DST: variants seen among roughly 807,000 people sequenced by gnomAD.
DST encodes dystonin.
Under a neutral mutation model 875.2 loss-of-function variants are expected in DST, and 253 were observed. The observed-to-expected ratio is 0.29, with a 90% confidence interval of 0.26 to 0.32. The LOEUF is 0.32. Among genes scored for constraint, DST ranks in the 10% least tolerant of loss-of-function variants. The pLI, the probability that DST is intolerant of heterozygous loss-of-function variation, is 1.00. For synonymous variants in DST, 3,124 were observed against 3,197.1 expected, an observed-to-expected ratio of 0.98 and a Z score of 0.77; for missense variants, 8,287 against 9,111.6, an observed-to-expected ratio of 0.91 and a Z score of 3.68.
chr6:56,639,640 C>A lies in DST; in HGVS notation c.2698-29G>T, dbSNP rs759141996. On this transcript the variant is annotated intron_variant, in intron 20 of 103. Coordinates refer to ENST00000680361, the MANE Select transcript of DST (RefSeq NM_001374736.1). ...TAGTAAGGAAAATCATCATAAGAAT[C>A]ATGTTTTTGCCAAATATAGATAAGG... 11 of 1,612,838 alleles carry A rather than the reference C, an allele frequency of 6.8e-6. No homozygotes were observed. In the Admixed American group the frequency reaches 1.8e-4, roughly 27 times the overall value.
intron 90 of DST, among the ~76,000 whole-genome samples, chr6:56,480,591 G>A (rs1028245964): frequency 6.6e-6 from 1 of 152,182 alleles, no homozygotes; most frequent in South Asian, 2.1e-4. Context: ...ATGGTGAATG[G>A]TGAATGTATG....
intron 2 of DST, among the ~76,000 whole-genome samples, chr6:56,910,540 A>G (rs1260154911): frequency 3.3e-5 from 5 of 152,044 alleles, no homozygotes; most frequent in African/African-American, 1.2e-4. Flanking sequence ...GCTGGAGTAC[A>G]GTGGCATGCT....
At chr6:56,589,972 A>G (rs986317708) in intron 49 of DST, among the ~76,000 whole-genome samples, 5 of 152,248 alleles carry the variant, frequency 3.3e-5, no homozygotes, top group African/African-American at 1.2e-4. Flanking sequence ...GGTTTATATT[A>G]TTGTTAAAAG....
intron 5 of DST, among the ~76,000 whole-genome samples, chr6:56,712,337 A>T (rs2099371980): frequency 6.6e-6 from 1 of 152,184 alleles, no homozygotes; most frequent in Non-Finnish European, 1.5e-5. Context: ...AAACCAATCC[A>T]TATCCTTACT....
In DST at chr6:56,606,068, TATTTTC is replaced by T; in HGVS notation, c.8554_8559del (p.Glu2852_Asn2853del). The T allele has an allele frequency of 1.2e-6, 2 of 1,613,044 alleles. No homozygotes were observed. Among genetic ancestry groups the T allele is most frequent in the Non-Finnish European group, 1.7e-6 (2 of 1,179,284 alleles). ...TTATCCAGAAGAATCATTGTATTAA[TATTTTC>T]ATTTTCATCACTGTTTTCATTTAAA... is the stretch of plus-strand genomic sequence containing the variant. On this transcript the variant is annotated inframe_deletion, in exon 40 of 104. Coordinates refer to ENST00000680361, the MANE Select transcript of DST (RefSeq NM_001374736.1).
intron 36 of DST, chr6:56,619,089 G>C (rs1481649164): frequency 6.2e-7 from 1 of 1,613,386 alleles, no homozygotes; most frequent in Middle Eastern, 1.7e-4. Flanking sequence ...TCTTCTTCTA[G>C]GCATTTAATT....
chr6:56,466,830 A>T (rs1278056052), intron 98 of DST: 1 of 152,220 alleles, frequency 6.6e-6, no homozygotes, highest in African/African-American at 2.4e-5. Flanking sequence ...GCCATTTTAG[A>T]TTACTGTAAT....
Position 56,890,934 on chromosome 6 carries a change from G to A in DST, c.417+9487C>T, listed in dbSNP as rs1202720937. 3.3e-5 allele frequency among the ~76,000 whole-genome samples: 5 copies of A among 152,302 alleles called. No individual in the cohort carries two copies. In the South Asian group the frequency reaches 8.3e-4, roughly 25 times the overall value. On this transcript the variant is annotated intron_variant, in intron 3 of 103. Coordinates refer to ENST00000680361, the MANE Select transcript of DST (RefSeq NM_001374736.1). Reference sequence around the variant, plus strand: ...TGATTTATTTTTACTCCATCTCCAAGCTATAATCAGAGTTGCTTTCATGGC... The same window carrying A: ...TGATTTATTTTTACTCCATCTCCAAACTATAATCAGAGTTGCTTTCATGGC...
rs1053481014 is a variant in DST at position 56,560,501 on chromosome 6, T to C, written c.14311-78A>G. 6 of 1,414,000 alleles carry C rather than the reference T, an allele frequency of 4.2e-6. No individual in the cohort carries two copies. The African/African-American group carries it at 7.2e-5, about 17-fold the overall frequency. The allele number at this position is 1,414,000 out of a possible 1,614,324, so 87.6% of individuals were successfully genotyped here. A position where few individuals can be genotyped will look rare whatever the true frequency, so the allele number is the denominator to read the frequency against. On this transcript the variant is annotated intron_variant, in intron 57 of 103. Coordinates refer to ENST00000680361, the MANE Select transcript of DST (RefSeq NM_001374736.1). ...CAATAATGATAGAGCATTATTTTTC[T>C]CTAGAATAATGAAAAGAGGAAAAAA...
At chr6:56,716,843 G>A (rs1200658078) in intron 5 of DST, among the ~76,000 whole-genome samples, 1 of 152,136 alleles carries the variant, frequency 6.6e-6, no homozygotes, top group African/African-American at 2.4e-5. Flanking sequence ...ATGGTTTCAG[G>A]ATGAAACTTT....
At chr6:56,745,724 T>A (rs77459466) in intron 4 of DST, among the ~76,000 whole-genome samples, 1 of 152,114 alleles carries the variant, frequency 6.6e-6, no homozygotes, top group African/African-American at 2.4e-5. Flanking sequence ...AATATCCAAA[T>A]AGAGTAATAA....
At chr6:56,936,223 C>T (rs1342262780) in intron 2 of DST, among the ~76,000 whole-genome samples, 1 of 152,150 alleles carries the variant, frequency 6.6e-6, no homozygotes, top group East Asian at 1.9e-4. Context: ...GTTCGTGTTC[C>T]CATTTACAAT....
intron 5 of DST, among the ~76,000 whole-genome samples, chr6:56,709,249 A>C (rs2099352992): frequency 6.6e-6 from 1 of 152,200 alleles, no homozygotes; most frequent in African/African-American, 2.4e-5. Flanking sequence ...AGTAAAATAG[A>C]CTAGAAAACA....
intron 72 of DST, among the ~76,000 whole-genome samples, chr6:56,514,576 T>TACACACAC (rs199770226): frequency 4.1e-4 from 44 of 107,286 alleles, no homozygotes; most frequent in South Asian, 1.1e-3. Context: ...GGCACAGGCG[T>TACACACAC]ATACACACAC....
chr6:56,735,737 C>T (rs1018338107), intron 4 of DST, among the ~76,000 whole-genome samples: 3 of 152,166 alleles, frequency 2.0e-5, no homozygotes, highest in African/African-American at 7.2e-5. Flanking sequence ...TTCATGATTA[C>T]CCAGCAAATA....
At chr6:56,559,146 A>C (rs1475036413) in intron 58 of DST, among the ~76,000 whole-genome samples, 1 of 152,150 alleles carries the variant, frequency 6.6e-6, no homozygotes, top group Non-Finnish European at 1.5e-5. Flanking sequence ...TCTACATGAC[A>C]TTTTCCAGTC....
intron 60 of DST, 116 bp downstream of exon 60, chr6:56,555,229 G>T: frequency 8.8e-7 from 1 of 1,141,232 alleles, no homozygotes; most frequent in Non-Finnish European, 1.2e-6. Context: ...CTTCACTGAT[G>T]TTAACAGTGG....
chr6:56,699,104 C>T (rs562952407), intron 9 of DST, among the ~76,000 whole-genome samples: 6 of 152,282 alleles, frequency 3.9e-5, no homozygotes, highest in East Asian at 1.9e-4. Flanking sequence ...AAATCAAAAT[C>T]GGTCCTCAAT....
intron 35 of DST, among the ~76,000 whole-genome samples, chr6:56,624,955 G>GGGTTAGGGTTAGGGTT (rs2098720735): frequency 1.3e-5 from 2 of 152,010 alleles, no homozygotes; most frequent in Non-Finnish European, 2.9e-5. Context: ...TCTTTGGGAT[G>GGGTTAGGGTTAGGGTT]ACGAAAAGGT....
Sources: allele counts gnomAD v4.1 joint callset (sites outside exome capture counted in the v4.1 genomes callset), GRCh38; gene constraint gnomAD v4.1.1; transcripts MANE v1.5; gene names NCBI Gene and HGNC (gene_info 2026-07-23, HGNC 2026-07-21).